Variants in GPHN observed in about 807,000 individuals in gnomAD.
GPHN encodes gephyrin.
Under a neutral mutation model 95.5 loss-of-function variants are expected in GPHN, and 17 were observed. The ratio of observed to expected loss-of-function variants is 0.18; its 90% confidence interval spans 0.12 to 0.27. The LOEUF is 0.27. GPHN is among the 10% of genes least tolerant of loss of function. The probability of loss-of-function intolerance (pLI) is 1.00; values close to 1 mark genes in which losing one functional copy is unlikely to be tolerated. For synonymous variants in GPHN, 320 were observed against 322.5 expected, an observed-to-expected ratio of 0.99 and a Z score of 0.08; for missense variants, 660 against 978.1, an observed-to-expected ratio of 0.67 and a Z score of 4.34.
intron 4 of GPHN, among the ~76,000 whole-genome samples, chr14:66,836,849 A>G (rs924672649): frequency 2.0e-5 from 3 of 152,036 alleles, no homozygotes; most frequent in Admixed American, 6.5e-5. Context: ...AAAAATGCTC[A>G]CCGTCACTGG....
At chr14:67,374,508 A>T in the GPHN span, 1 of 1,608,466 alleles carries the variant, frequency 6.2e-7, no homozygotes, top group Non-Finnish European at 8.5e-7. Flanking sequence ...CTCCAGAGGA[A>T]GCAATCAAAT....
intron 9 of GPHN, among the ~76,000 whole-genome samples, chr14:66,968,574 C>T (rs1288727998): frequency 2.0e-5 from 3 of 152,014 alleles, no homozygotes; most frequent in South Asian, 2.1e-4. Flanking sequence ...TTTGAATGAT[C>T]GGTACTAGAA....
the GPHN span, among the ~76,000 whole-genome samples, chr14:67,438,958 A>G: frequency 1.3e-5 from 2 of 152,054 alleles, no homozygotes; most frequent in East Asian, 1.9e-4. Context: ...GTTCTTGCAC[A>G]TATAAGGAGA....
At chr14:67,474,911 C>CTT in the GPHN span, among the ~76,000 whole-genome samples, 1 of 124,378 alleles carries the variant, frequency 8.0e-6, no homozygotes, top group Admixed American at 8.1e-5. Flanking sequence ...TCAGAATTTC[C>CTT]TTCTTTTTTT....
At chr14:67,032,312 G>T (rs1186223512) in intron 10 of GPHN, among the ~76,000 whole-genome samples, 1 of 152,202 alleles carries the variant, frequency 6.6e-6, no homozygotes, top group East Asian at 1.9e-4. Context: ...AAGCCAGGGA[G>T]AGTGGAGGCA....
chr14:66,780,261 A>G (rs1440099168), intron 3 of GPHN, among the ~76,000 whole-genome samples: 1 of 152,206 alleles, frequency 6.6e-6, no homozygotes, highest in Non-Finnish European at 1.5e-5. Context: ...TGAATAAATC[A>G]GCCTGGAACT....
intron 1 of GPHN, among the ~76,000 whole-genome samples, chr14:66,572,938 C>T (rs904445369): frequency 6.6e-5 from 10 of 152,246 alleles, no homozygotes; most frequent in African/African-American, 1.4e-4. Flanking sequence ...CCTTTTATAA[C>T]GCATTGTTTT....
chr14:67,648,852 C>T, the GPHN span: 8 of 152,222 alleles, frequency 5.3e-5, no homozygotes, highest in Admixed American at 5.2e-4. Flanking sequence ...ATTTAAAGAA[C>T]TACCAAATCA....
chr14:66,741,984 T>C (rs918170743), intron 2 of GPHN, among the ~76,000 whole-genome samples: 1 of 152,220 alleles, frequency 6.6e-6, no homozygotes, highest in Non-Finnish European at 1.5e-5. Context: ...CTTTCTTTTT[T>C]AGTCCTCTTG....
the GPHN span, chr14:67,385,081 T>C: frequency 2.0e-5 from 3 of 152,308 alleles, no homozygotes; most frequent in Non-Finnish European, 4.4e-5. Flanking sequence ...GTGGGCCTTT[T>C]GCTCAGTTCC....
chr14:66,776,197 T>C lies in GPHN; in HGVS notation c.144-267T>C, dbSNP rs1435907623. Among the ~76,000 whole-genome samples the C allele has an allele frequency of 3.9e-5, 6 of 152,108 alleles. No individual in the cohort carries two copies. The East Asian group carries it at 1.2e-3, about 29-fold the overall frequency. On this transcript the variant is annotated intron_variant, in intron 2 of 22. Coordinates refer to ENST00000478722, the MANE Select transcript of GPHN (RefSeq NM_020806.5). ...CAGAATACGGCAGTAAAAGTGACAG[T>C]TTCAGCATTATTAAAATCATCAATA...
At chr14:66,691,178 C>A (rs2067750469) in intron 2 of GPHN, among the ~76,000 whole-genome samples, 1 of 151,594 alleles carries the variant, frequency 6.6e-6, no homozygotes, top group Admixed American at 6.6e-5. Context: ...ACTGTCTCTA[C>A]AATTTTTATT....
At chr14:67,518,412 G>A in the GPHN span, among the ~76,000 whole-genome samples, 1 of 152,216 alleles carries the variant, frequency 6.6e-6, no homozygotes, top group African/African-American at 2.4e-5. Context: ...GTAGGAGAAT[G>A]CATATAAGGT....
the GPHN span, chr14:67,574,516 G>A: frequency 1.2e-6 from 1 of 847,358 alleles, no homozygotes. This position sits in a 1 kb window ranked among gnomAD's most constrained non-coding sequence, Gnocchi z 4.2. Flanking sequence ...CTTTCTCTGG[G>A]AGCCTCCTCA....
rs1481184647 is a variant in GPHN at position 66,508,448 on chromosome 14, G to T, written c.-80G>T. On this transcript the variant is annotated 5_prime_UTR_variant, in exon 1 of 23. Coordinates refer to ENST00000478722, the MANE Select transcript of GPHN (RefSeq NM_020806.5). ...GCTCCCTAGCTGTCGCGCTCTCCTC[G>T]GCGAGCGCGCTCCCGGCCCGCGCGC... 1 of 1,312,390 alleles carries T rather than the reference G, an allele frequency of 7.6e-7. No homozygotes were observed. Among genetic ancestry groups the T allele is most frequent in the Non-Finnish European group, 1.1e-6 (1 of 905,386 alleles). 81.3% of individuals were successfully genotyped at this position (1,312,390 alleles called of 1,614,324 possible). A position where few individuals can be genotyped will look rare whatever the true frequency, so the allele number is the denominator to read the frequency against.
At chr14:67,173,614 T>C (rs2140117224) in intron 21 of GPHN, among the ~76,000 whole-genome samples, 1 of 152,274 alleles carries the variant, frequency 6.6e-6, no homozygotes, top group African/African-American at 2.4e-5. Flanking sequence ...TTCTACCAGG[T>C]GCACAGATTC....
intron 8 of GPHN, among the ~76,000 whole-genome samples, chr14:66,926,059 A>C (rs986438795): frequency 6.6e-6 from 1 of 152,198 alleles, no homozygotes; most frequent in Non-Finnish European, 1.5e-5. Flanking sequence ...CCCTTGAGAC[A>C]CATCTATTCA....
intron 1 of GPHN, among the ~76,000 whole-genome samples, chr14:66,549,836 G>A (rs1594923521): frequency 6.6e-6 from 1 of 152,276 alleles, no homozygotes; most frequent in East Asian, 1.9e-4. Flanking sequence ...TAAAAATGAT[G>A]CTAAGTCATT....
intron 4 of GPHN, among the ~76,000 whole-genome samples, chr14:66,835,877 A>G (rs1206060536): frequency 4.6e-5 from 7 of 151,474 alleles, no homozygotes; most frequent in Non-Finnish European, 1.0e-4. Flanking sequence ...TAGGAATCCA[A>G]CTTACAAGGG....
Sources: gnomAD v4.1 joint callset for allele counts (sites outside exome capture counted in the v4.1 genomes callset) on GRCh38, gnomAD v4.1.1 for gene constraint, Gnocchi (gnomAD v3.1) non-coding constraint, MANE v1.5 for transcripts, NCBI Gene and HGNC (gene_info 2026-07-23, HGNC 2026-07-21) for gene names.